PDZD9: variants seen among roughly 807,000 people sequenced by gnomAD.
PDZD9 encodes the protein PDZ domain-containing protein 9.
In PDZD9, 13 loss-of-function variants were observed where a neutral mutation model predicts 16.3. That is an observed-to-expected ratio of 0.80 (90% CI 0.52 to 1.27). The LOEUF is 1.27. PDZD9 is among the 50% of genes most tolerant of loss of function. The probability of loss-of-function intolerance (pLI) is 0.00; values close to 1 mark genes in which losing one functional copy is unlikely to be tolerated. For synonymous variants in PDZD9, 120 were observed against 111.0 expected (o/e 1.08, Z -0.51); for missense variants, 288 against 310.9 (o/e 0.93, Z 0.55).
At chr16:21,980,948 C>G (rs1898710401), downstream of PDZD9, among the ~76,000 whole-genome samples, 1 of 152,254 alleles carries the variant, frequency 6.6e-6, no homozygotes, top group East Asian at 1.9e-4. Context: ...AGTAAGAGGG[C>G]TGCCATCCAC....
chr16:21,998,334 C>T lies in PDZD9; in HGVS notation c.32-1833G>A, dbSNP rs148800348. ...GAAGGACATGTCTCAGGAGTTTGAT[C>T]CAGACCTCTATAAGCAAATGCAGAA... is the stretch of plus-strand genomic sequence containing the variant. On this transcript the variant is annotated intron_variant, in intron 1 of 3. Coordinates refer to ENST00000424898, the MANE Select transcript of PDZD9 (RefSeq NM_001363519.1). The T allele has an allele frequency of 8.3e-4, 178 of 214,216 alleles. 2 individuals are homozygous for T. The highest frequency in any genetic ancestry group is 4.1e-3 in the South Asian group (48 of 11,626). 13.3% of individuals were successfully genotyped at this position (214,216 alleles called of 1,614,324 possible). A position where few individuals can be genotyped will look rare whatever the true frequency, so the allele number is the denominator to read the frequency against.
chr16:21,993,623 GA>G (rs1429427607), intron 2 of PDZD9, among the ~76,000 whole-genome samples: 2 of 152,072 alleles, frequency 1.3e-5, no homozygotes, highest in East Asian at 3.8e-4. Flanking sequence ...CCCAGTCCAA[GA>G]ACGATTGAAT....
At chr16:21,991,749 A>G (rs986205076) in intron 2 of PDZD9, among the ~76,000 whole-genome samples, 1 of 152,182 alleles carries the variant, frequency 6.6e-6, no homozygotes, top group Non-Finnish European at 1.5e-5. Context: ...GCATGTTTCT[A>G]CAATTATCAT....
Position 21,984,323 on chromosome 16 carries a change from C to T in PDZD9, c.739G>A (p.Glu247Lys), listed in dbSNP as rs1254258964. 6.2e-7 allele frequency: 1 copy of T among 1,613,922 alleles called. No homozygotes were observed. The highest frequency in any genetic ancestry group is 8.5e-7 in the Non-Finnish European group (1 of 1,179,962). Residue 247 changes from glutamate (E) to lysine (K), a missense_variant, in exon 4 of 4, where the codon GAA becomes AAA. By Grantham distance (56) the Glu-to-Lys change is moderately conservative. Coordinates refer to ENST00000424898, the MANE Select transcript of PDZD9 (RefSeq NM_001363519.1). Reference protein sequence around the residue: ...TSSTSDAFWLEDCAQVEEGKA... With the variant: ...TSSTSDAFWLKDCAQVEEGKA... ...CCCTCTTCAACTTGGGCACAATCTT[C>T]CAGCCAAAATGCATCTGAGGTAGAG... is the stretch of plus-strand genomic sequence containing the variant.
At chr16:21,966,280 T>G in the PDZD9 span, among the ~76,000 whole-genome samples, 9 of 152,194 alleles carry the variant, frequency 5.9e-5, no homozygotes, top group African/African-American at 1.9e-4. Context: ...TGTTCCATCC[T>G]CGCTCACTCA....
At chr16:21,986,626 A>G (rs940944082) in intron 3 of PDZD9, among the ~76,000 whole-genome samples, 1 of 152,168 alleles carries the variant, frequency 6.6e-6, no homozygotes, top group African/African-American at 2.4e-5. Flanking sequence ...CAAGTGAACC[A>G]CTGACCACAT....
At chr16:21,966,176 G>A in the PDZD9 span, among the ~76,000 whole-genome samples, 1 of 151,812 alleles carries the variant, frequency 6.6e-6, no homozygotes, top group Non-Finnish European at 1.5e-5. Flanking sequence ...ATATATGTGT[G>A]TGTGTATACA....
chr16:21,986,904 G>A (rs529137762), intron 3 of PDZD9, among the ~76,000 whole-genome samples: 1 of 152,274 alleles, frequency 6.6e-6, no homozygotes, highest in East Asian at 1.9e-4. Flanking sequence ...AAGAGCAAGT[G>A]CAAAGACCCT....
At chr16:21,958,403 C>T in the PDZD9 span, 2 of 774,978 alleles carry the variant, frequency 2.6e-6, no homozygotes, top group Non-Finnish European at 4.3e-6. Context: ...TTTTATAATT[C>T]TTAACTAAAA....
At chr16:21,971,438 T>C in the PDZD9 span, 601 of 1,106,240 alleles carry the variant, frequency 5.4e-4, 5 homozygotes, top group African/African-American at 8.8e-3. Flanking sequence ...GATTTTACAA[T>C]CGTATTTTTA....
chr16:21,972,875 G>C, the PDZD9 span, among the ~76,000 whole-genome samples: 1 of 152,216 alleles, frequency 6.6e-6, no homozygotes, highest in East Asian at 1.9e-4. Context: ...GCCAAGTTGG[G>C]CGGATCACAA....
the PDZD9 span, among the ~76,000 whole-genome samples, chr16:21,977,913 A>C: frequency 1.3e-5 from 2 of 152,236 alleles, no homozygotes; most frequent in East Asian, 3.8e-4. Flanking sequence ...TATTGTATAC[A>C]TAGAACCAAG....
chr16:21,967,022 T>A, the PDZD9 span, among the ~76,000 whole-genome samples: 1 of 152,194 alleles, frequency 6.6e-6, no homozygotes, highest in Non-Finnish European at 1.5e-5. Context: ...TTTTTTTTAA[T>A]AAAAGGTATG....
chr16:21,962,474 G>A, the PDZD9 span: 1 of 1,614,156 alleles, frequency 6.2e-7, no homozygotes, highest in Non-Finnish European at 8.5e-7. Context: ...ACCGCAACAA[G>A]GGAAAACATG....
At chr16:21,971,637 A>C in the PDZD9 span, 32 of 1,609,564 alleles carry the variant, frequency 2.0e-5, no homozygotes, top group Non-Finnish European at 2.7e-5. Context: ...ATTTCATTCT[A>C]TTAGGGTTAA....
At chr16:21,988,003 CTTTTTTTTTTTT>C (rs773101505) in intron 3 of PDZD9, among the ~76,000 whole-genome samples, 5 of 100,724 alleles carry the variant, frequency 5.0e-5, no homozygotes, top group Admixed American at 1.2e-4. Context: ...GCAAGAAGCA[CTTTTTTTTTTTT>C]TTTTTTTTTT....
chr16:21,970,600 T>G, the PDZD9 span, among the ~76,000 whole-genome samples: 8 of 152,334 alleles, frequency 5.3e-5, no homozygotes, highest in Non-Finnish European at 1.0e-4. Context: ...TTGTTTGTTT[T>G]TTTGAGACAG....
the PDZD9 span, chr16:21,961,347 C>T: frequency 2.2e-6 from 1 of 447,020 alleles, no homozygotes. Context: ...TAAAGTATGA[C>T]AGAGTCATGA....
At position 21,988,801 on chromosome 16, in the gene PDZD9, G is replaced by GA. The variant is rs1158373067; in HGVS notation, c.212-11dup. 1 of 1,584,272 alleles carries GA rather than the reference G, an allele frequency of 6.3e-7. No individual in the cohort carries two copies. The highest frequency in any genetic ancestry group is 8.5e-7 in the Non-Finnish European group (1 of 1,170,388). On this transcript the variant is annotated splice_polypyrimidine_tract_variant and intron_variant, in intron 2 of 3. Transcript: ENST00000424898. ...CTAATCAGAACATCACCTGAAGAGG[G>GA]AAAAAATTATGTATCAGTAAAACTA...
Sources: gnomAD v4.1 joint callset for allele counts (sites outside exome capture counted in the v4.1 genomes callset) on GRCh38, gnomAD v4.1.1 for gene constraint, MANE v1.5 for transcripts, NCBI Gene and HGNC (gene_info 2026-07-23, HGNC 2026-07-21) for gene names.